WDFY3: variants seen among roughly 807,000 people sequenced by gnomAD.
The protein encoded by WDFY3 is WD repeat and FYVE domain containing 3, also known as WD repeat and FYVE domain-containing protein 3.
Under a neutral mutation model 409.6 loss-of-function variants are expected in WDFY3, and 66 were observed. The ratio of observed to expected loss-of-function variants is 0.16; its 90% CI spans 0.13 to 0.20. The LOEUF (loss-of-function observed/expected upper bound fraction) is 0.20. Among genes scored for constraint, WDFY3 ranks in the 10% least tolerant of loss-of-function variants. The pLI is 1.00. For synonymous variants in WDFY3, 1,521 were observed against 1,537.1 expected (o/e 0.99, Z 0.25); for missense variants, 3,031 against 4,298.1 (o/e 0.71, Z 8.24).
At chr4:84,677,546 G>A in intron 66 of WDFY3, 150 bp from the exon 67 acceptor site, 1 of 637,292 alleles carries the variant, frequency 1.6e-6, no homozygotes, top group East Asian at 3.1e-5. Context: ...AGATGTATGT[G>A]TAAACAGACA....
chr4:84,683,796 C>T (rs368396543), intron 63 of WDFY3, 147 bp downstream of exon 63: 124 of 720,342 alleles, frequency 1.7e-4, no homozygotes, highest in African/African-American at 1.5e-3. Context: ...TGTCTGATAA[C>T]GCAGAGGCCA....
At chr4:84,871,457 C>T (rs1438498016) in intron 3 of WDFY3, among the ~76,000 whole-genome samples, 1 of 151,960 alleles carries the variant, frequency 6.6e-6, no homozygotes, top group Non-Finnish European at 1.5e-5. Context: ...TAAAGACTTC[C>T]TCAGATAAGC....
intron 8 of WDFY3, 119 bp downstream of exon 8, chr4:84,831,294 A>ATTTTTTATTTAT: frequency 1.2e-6 from 1 of 857,768 alleles, no homozygotes; most frequent in Non-Finnish European, 1.6e-6. Context: ...CTCTGGGCAA[A>ATTTTTTATTTAT]TTTATTTTTT....
intron 10 of WDFY3, 120 bp from the exon 11 acceptor site, chr4:84,821,671 C>A: frequency 1.2e-6 from 1 of 847,122 alleles, no homozygotes. Context: ...AAGAACATAA[C>A]CCTGTTTTCA....
intron 22 of WDFY3, among the ~76,000 whole-genome samples, chr4:84,789,140 T>C (rs1479505030): frequency 1.3e-5 from 2 of 152,242 alleles, no homozygotes; most frequent in African/African-American, 4.8e-5. Flanking sequence ...GCAGGATTTA[T>C]TCTCATTCAG....
intron 4 of WDFY3, among the ~76,000 whole-genome samples, chr4:84,854,282 T>TA (rs1418189765): frequency 6.6e-6 from 1 of 152,104 alleles, no homozygotes; most frequent in Non-Finnish European, 1.5e-5. Flanking sequence ...ATGAGGCTGA[T>TA]AAAGCTGGGG....
Position 84,803,365 on chromosome 4 carries a change from T to G in WDFY3, c.2532A>C (p.Ala844=), listed in dbSNP as rs777352193. The change falls in exon 16 of 68, where the codon GCA becomes GCC. Residue 844 remains alanine, a synonymous_variant. Transcript: ENST00000295888. ...VTTSSLQSSD[A]VIIHPGAMLA... Reference sequence around the variant, plus strand: ...GCATGGCTCCAGGATGAATGATGACTGCATCAGAACTCTGCAGAGATGAAG... The same window carrying G: ...GCATGGCTCCAGGATGAATGATGACGGCATCAGAACTCTGCAGAGATGAAG... The G allele has an allele frequency of 2.5e-6, 4 of 1,614,130 alleles. No homozygotes were observed. Among genetic ancestry groups the G allele is most frequent in the Middle Eastern group, 1.6e-4 (1 of 6,062 alleles).
At chr4:84,728,278 CA>C (rs1735995925) in intron 44 of WDFY3, among the ~76,000 whole-genome samples, 1 of 152,074 alleles carries the variant, frequency 6.6e-6, no homozygotes, top group Non-Finnish European at 1.5e-5. Context: ...CCTATAATCC[CA>C]GCACTTTGGG....
chr4:84,927,391 C>T (rs1200730581), intron 2 of WDFY3, among the ~76,000 whole-genome samples: 2 of 152,054 alleles, frequency 1.3e-5, no homozygotes, highest in Admixed American at 1.3e-4. Flanking sequence ...TCAAATTTCA[C>T]TTCCAGAAAC....
intron 6 of WDFY3, among the ~76,000 whole-genome samples, chr4:84,839,909 T>C (rs1757103080): frequency 6.6e-6 from 1 of 150,974 alleles, no homozygotes; most frequent in South Asian, 2.1e-4. Context: ...AGCAAACAAA[T>C]AAAAAGAAAA....
Position 84,762,535 on chromosome 4 carries a change from G to A in WDFY3, c.5188+3275C>T, listed in dbSNP as rs191680092. The stretch of plus-strand genomic sequence containing the variant: ...GCTAGATGACGAATTAGTGGGTGCA[G>A]CACACCAGCATGTCACATGTATACA... On this transcript the variant is annotated intron_variant, in intron 32 of 67. Transcript: ENST00000295888. 2.5e-3 allele frequency among the ~76,000 whole-genome samples: 377 copies of A among 151,574 alleles called. 1 individual carries two copies. Among genetic ancestry groups the A allele is most frequent in the Non-Finnish European group, 4.6e-3 (309 of 67,878 alleles).
At chr4:84,927,631 C>A (rs558436097) in intron 2 of WDFY3, among the ~76,000 whole-genome samples, 2 of 152,180 alleles carry the variant, frequency 1.3e-5, no homozygotes, top group South Asian at 4.2e-4. Flanking sequence ...GCGGAGGTTT[C>A]CCCCATGCTG....
chr4:84,822,940 T>C (rs1162779253), intron 10 of WDFY3, among the ~76,000 whole-genome samples: 1 of 152,150 alleles, frequency 6.6e-6, no homozygotes. Context: ...AAAGTAAAGA[T>C]GTCTGGAAAA....
chr4:84,773,743 G>A (rs533554661), intron 29 of WDFY3, among the ~76,000 whole-genome samples: 6 of 152,008 alleles, frequency 3.9e-5, no homozygotes, highest in Admixed American at 2.6e-4. Context: ...TGTTTGAGAC[G>A]GAGTTTCACC....
At chr4:84,962,443 T>G (rs1775033563) in intron 1 of WDFY3, among the ~76,000 whole-genome samples, 1 of 152,104 alleles carries the variant, frequency 6.6e-6, no homozygotes, top group Non-Finnish European at 1.5e-5. Flanking sequence ...GAGATAAAAC[T>G]TTAAGAGCAT....
intron 2 of WDFY3, among the ~76,000 whole-genome samples, chr4:84,911,748 T>C (rs1276011740): frequency 2.0e-5 from 3 of 152,282 alleles, no homozygotes; most frequent in African/African-American, 7.2e-5. Flanking sequence ...TATATGTAGA[T>C]ACCAGTCTAT....
In WDFY3 at chr4:84,875,263, A is replaced by AATAC. The variant is rs71670886; in HGVS notation, c.-31-14642_-31-14641insGTAT. Reference sequence around the variant, plus strand: ...AGCCTGGGGTACCGAGCAAGACTCAAACACACACACACACACACACACACA... The same window carrying AATAC: ...AGCCTGGGGTACCGAGCAAGACTCAAATACACACACACACACACACACACACACA... On this transcript the variant is annotated intron_variant, in intron 3 of 67. Coordinates refer to ENST00000295888, the MANE Select transcript of WDFY3 (RefSeq NM_014991.6). 9.6e-4 allele frequency among the ~76,000 whole-genome samples: 132 copies of AATAC among 137,578 alleles called. 1 individual carries two copies. The highest frequency in any genetic ancestry group is 2.0e-3 in the African/African-American group (74 of 36,356). 90.3% of individuals were successfully genotyped at this position (137,578 alleles called of 152,430 possible).
rs1560545203 is a variant in WDFY3, at chr4:84,695,953, G to GA, written c.8901+16dup. 1.2e-6 allele frequency: 2 copies of GA among 1,609,428 alleles called. No individual in the cohort carries two copies. Among genetic ancestry groups the GA allele is most frequent in the Admixed American group, 1.7e-5 (1 of 59,646 alleles). On this transcript the variant is annotated intron_variant, in intron 58 of 67. Coordinates refer to ENST00000295888, the MANE Select transcript of WDFY3 (RefSeq NM_014991.6). Reference sequence around the variant, plus strand: ...ATGAAACAGAGTACATCAATGACAAGAAAAAAACATCCATACCTGTTTAGG... The same window carrying GA: ...ATGAAACAGAGTACATCAATGACAAGAAAAAAAACATCCATACCTGTTTAGG...
At chr4:84,850,512 TCACCATGTTGGC>T (rs969097382) in intron 4 of WDFY3, among the ~76,000 whole-genome samples, 3 of 152,146 alleles carry the variant, frequency 2.0e-5, no homozygotes, top group African/African-American at 7.2e-5. Flanking sequence ...AGATGGGGTT[TCACCATGTTGGC>T]CTGGCTAGTC....
Sources: allele counts gnomAD v4.1 joint callset (sites outside exome capture counted in the v4.1 genomes callset), GRCh38; gene constraint gnomAD v4.1.1; transcripts MANE v1.5; gene names NCBI Gene and HGNC (gene_info 2026-07-23, HGNC 2026-07-21).